Variants in MEI4 observed in about 807,000 individuals in gnomAD.
MEI4 encodes meiotic double-stranded break formation protein 4.
MEI4 carries 27 observed loss-of-function variants against 31.4 expected under a neutral mutation model. That is an observed-to-expected ratio of 0.86 (90% CI 0.63 to 1.19). MEI4 has a LOEUF of 1.19. MEI4 is among the 50% of genes most tolerant of loss of function. The probability of loss-of-function intolerance (pLI) is 0.00; values close to 1 mark genes in which losing one functional copy is unlikely to be tolerated. For missense variants in MEI4, 329 were observed against 398.9 expected (o/e 0.82, Z 1.49); for synonymous variants, 122 against 145.4 (o/e 0.84, Z 1.16).
intron 3 of MEI4, among the ~76,000 whole-genome samples, chr6:77,789,540 A>G (rs113843838): frequency 6.6e-6 from 1 of 152,208 alleles, no homozygotes; most frequent in Non-Finnish European, 1.5e-5. Flanking sequence ...ATCTAAATGA[A>G]CTCAAACAAA....
At chr6:77,709,780 G>T (rs1388430365) in intron 2 of MEI4, among the ~76,000 whole-genome samples, 1 of 152,142 alleles carries the variant, frequency 6.6e-6, no homozygotes, top group East Asian at 1.9e-4. Context: ...ATGGCATTTT[G>T]CAAATTTAAA....
In MEI4 at chr6:77,733,209, C is replaced by T. The variant is rs778762348; in HGVS notation, c.233-27921C>T. Among the ~76,000 whole-genome samples, 165 of 151,908 alleles carry T rather than the reference C, an allele frequency of 1.1e-3. 1 individual carries two copies. Among genetic ancestry groups the T allele is most frequent in the African/African-American group, 3.6e-3 (147 of 41,276 alleles). On this transcript the variant is annotated intron_variant, in intron 2 of 4. Transcript: ENST00000684080. ...ATAGTTTCAGAAGGAATGGTACCAGCTCCTCCTAGTACCTCTGGTAGAATT... is the reference window on the plus strand; with the variant it reads ...ATAGTTTCAGAAGGAATGGTACCAGTTCCTCCTAGTACCTCTGGTAGAATT...
At chr6:77,784,201 G>T (rs1768670922) in intron 3 of MEI4, among the ~76,000 whole-genome samples, 1 of 152,104 alleles carries the variant, frequency 6.6e-6, no homozygotes, top group Non-Finnish European at 1.5e-5. Flanking sequence ...GTGCTATAGA[G>T]GCAACTGATT....
At chr6:77,812,037 C>G (rs1769585325) in intron 3 of MEI4, among the ~76,000 whole-genome samples, 1 of 151,944 alleles carries the variant, frequency 6.6e-6, no homozygotes, top group Admixed American at 6.6e-5. Flanking sequence ...GGAAATAAAC[C>G]TTATTTCTGT....
intron 3 of MEI4, 117 bp downstream of exon 3, chr6:77,761,782 C>G (rs2127682724): frequency 1.6e-6 from 1 of 617,012 alleles, no homozygotes; most frequent in African/African-American, 1.9e-5. Context: ...CTTATTGGGT[C>G]TTTTTCTGCA....
At chr6:77,686,467 A>G (rs1274521784) in intron 1 of MEI4, among the ~76,000 whole-genome samples, 3 of 150,150 alleles carry the variant, frequency 2.0e-5, no homozygotes, top group East Asian at 2.0e-4. Context: ...ATTAATGTCT[A>G]TATGTCTGTA....
At chr6:77,683,957 A>G (rs1485179019) in intron 1 of MEI4, among the ~76,000 whole-genome samples, 1 of 152,170 alleles carries the variant, frequency 6.6e-6, no homozygotes, top group Non-Finnish European at 1.5e-5. Context: ...AGAAATCTCC[A>G]TACTGTTTTC....
At chr6:77,815,453 T>G (rs1021902582) in intron 3 of MEI4, among the ~76,000 whole-genome samples, 1 of 152,122 alleles carries the variant, frequency 6.6e-6, no homozygotes, top group African/African-American at 2.4e-5. Flanking sequence ...CTGGCCAATA[T>G]AGGTCAGATA....
intron 2 of MEI4, among the ~76,000 whole-genome samples, chr6:77,692,664 A>G (rs990333014): frequency 6.6e-6 from 1 of 152,230 alleles, no homozygotes; most frequent in Middle Eastern, 3.4e-3. Flanking sequence ...TAAGGGACAT[A>G]GCAGTATTTA....
At chr6:77,694,470 T>A (rs1432909710) in intron 2 of MEI4, among the ~76,000 whole-genome samples, 2 of 150,488 alleles carry the variant, frequency 1.3e-5, no homozygotes, top group African/African-American at 4.9e-5. Context: ...TGTCCATGTG[T>A]TCTCATTGTT....
chr6:77,668,014 C>T lies in MEI4; in HGVS notation c.-15+14922C>T, dbSNP rs114075947. On this transcript the variant is annotated intron_variant, in intron 1 of 4. Transcript: ENST00000684080. ...CCATTGTGACAGTCTGAATCACCAC[C>T]GAGACCTGACAGTTCAATAACCTAG... Among the ~76,000 whole-genome samples, 798 of 151,100 alleles carry T rather than the reference C, an allele frequency of 5.3e-3. 12 individuals are homozygous for T. The highest frequency in any genetic ancestry group is 0.018 in the African/African-American group (740 of 41,126).
chr6:77,897,473 A>T (rs1766104769), intron 4 of MEI4, among the ~76,000 whole-genome samples: 1 of 151,024 alleles, frequency 6.6e-6, no homozygotes, highest in Admixed American at 6.6e-5. Context: ...TGAGAAAATA[A>T]TTATTTTTAA....
At chr6:77,860,393 A>T (rs563899281) in intron 4 of MEI4, among the ~76,000 whole-genome samples, 1 of 152,306 alleles carries the variant, frequency 6.6e-6, no homozygotes, top group South Asian at 2.1e-4. Context: ...AGATTCATTA[A>T]GCATTCTGGT....
intron 4 of MEI4, among the ~76,000 whole-genome samples, chr6:77,909,864 T>TC (rs1766391139): frequency 6.6e-6 from 1 of 152,142 alleles, no homozygotes; most frequent in Non-Finnish European, 1.5e-5. Context: ...TCCACCATGA[T>TC]CAAGTGGGCT....
At chr6:77,774,199 A>T (rs1398960046) in intron 3 of MEI4, among the ~76,000 whole-genome samples, 4 of 152,242 alleles carry the variant, frequency 2.6e-5, no homozygotes, top group Non-Finnish European at 4.4e-5. Flanking sequence ...CATCAAAGAG[A>T]TATCTGCACT....
chr6:77,746,763 A>G (rs1166823371), intron 2 of MEI4, among the ~76,000 whole-genome samples: 3 of 151,948 alleles, frequency 2.0e-5, no homozygotes, highest in Non-Finnish European at 4.4e-5. Flanking sequence ...CTTTCACTGT[A>G]TGTGGAGGGT....
chr6:77,868,607 C>A (rs540028053), intron 4 of MEI4, among the ~76,000 whole-genome samples: 3 of 146,556 alleles, frequency 2.0e-5, no homozygotes, highest in Non-Finnish European at 3.0e-5. Context: ...TCCCTTTTTC[C>A]AGATAACTCT....
At chr6:77,788,539 G>A (rs1048633996) in intron 3 of MEI4, among the ~76,000 whole-genome samples, 2 of 152,016 alleles carry the variant, frequency 1.3e-5, no homozygotes, top group Non-Finnish European at 2.9e-5. Context: ...TAAGCTGATA[G>A]GCAACTTCAG....
intron 3 of MEI4, among the ~76,000 whole-genome samples, chr6:77,813,263 T>TA (rs1431803348): frequency 2.6e-5 from 4 of 152,124 alleles, no homozygotes; most frequent in Admixed American, 2.6e-4. Context: ...TTTCAGTTCT[T>TA]AGTGACTGCA....
Sources: allele counts gnomAD v4.1 joint callset (sites outside exome capture counted in the v4.1 genomes callset), GRCh38; gene constraint gnomAD v4.1.1; transcripts MANE v1.5; gene names NCBI Gene and HGNC (gene_info 2026-07-23, HGNC 2026-07-21).